DYNLT5: variants seen among roughly 807,000 people sequenced by gnomAD.
The protein encoded by DYNLT5 is dynein light chain Tctex-type family member 5, also known as dynein light chain Tctex-type 5.
In DYNLT5, 25 loss-of-function variants were observed where a neutral mutation model predicts 19.3. The ratio of observed to expected loss-of-function variants is 1.30; its 90% CI spans 0.95 to 1.81. The LOEUF (loss-of-function observed/expected upper bound fraction) is 1.81, where lower values mean the gene tolerates loss of function less well. Ranked by LOEUF, DYNLT5 falls within the 40% of genes most tolerant of loss-of-function variation. The pLI is 0.00. For synonymous variants in DYNLT5, 82 were observed against 68.9 expected, an observed-to-expected ratio of 1.19 and a Z score of -0.94; for missense variants, 232 against 217.9, an observed-to-expected ratio of 1.06 and a Z score of -0.41.
At chr1:66,755,095 A>G (rs1020188546) in intron 2 of DYNLT5, among the ~76,000 whole-genome samples, 4 of 152,186 alleles carry the variant, frequency 2.6e-5, no homozygotes, top group Non-Finnish European at 5.9e-5. Flanking sequence ...TTTATAACAT[A>G]GGTTTTGCAT....
rs1645254671 is a variant in DYNLT5, at chr1:66,779,025, TGAA to T, written c.*1575_*1577del. ...CTAATTTTGTATGAATAAATGAAAATGAAGAAACTTCTTTAACATATACAAAGT... is the reference window on the plus strand; with the variant it reads ...CTAATTTTGTATGAATAAATGAAAATGAAACTTCTTTAACATATACAAAGT... On this transcript the variant is annotated 3_prime_UTR_variant, in exon 5 of 5. Transcript: ENST00000282670. 6.6e-6 allele frequency among the ~76,000 whole-genome samples: 1 copy of T among 152,218 alleles called. No homozygotes were observed. The highest frequency in any genetic ancestry group is 1.5e-5 in the Non-Finnish European group (1 of 68,036).
At position 66,777,378 on chromosome 1, in the gene DYNLT5, A is replaced by G. The variant is rs1422447529; in HGVS notation, c.464A>G (p.Asp155Gly). The G allele has an allele frequency of 6.2e-7, 1 of 1,613,960 alleles. No individual in the cohort carries two copies. Residue 155 changes from aspartate (D) to glycine (G), a missense_variant, in exon 5 of 5, where the codon GAT becomes GGT. By Grantham distance (94) the Asp-to-Gly change is moderately conservative. Coordinates refer to ENST00000282670, the MANE Select transcript of DYNLT5 (RefSeq NM_152665.3). ...GSRCLWDPKS[D>G]TFSSYVFRNS... is the part of the protein sequence containing the mutation. Reference sequence around the variant, plus strand: ...AGATGCCTCTGGGATCCTAAAAGTGATACCTTTTCATCTTATGTTTTCAGA... The same window carrying G: ...AGATGCCTCTGGGATCCTAAAAGTGGTACCTTTTCATCTTATGTTTTCAGA...
At position 66,778,895 on chromosome 1, in the gene DYNLT5, A is replaced by C. The variant is rs1027201030; in HGVS notation, c.*1441A>C. On this transcript the variant is annotated 3_prime_UTR_variant, in exon 5 of 5. Transcript: ENST00000282670. ...TGTCAATCTCCATAGAACAGTTTTC[A>C]ATCTGGATTAGATTACACGTATAAC... is the stretch of plus-strand genomic sequence containing the variant. The C allele has an allele frequency of 2.0e-5, 3 of 152,208 alleles. No homozygotes were observed. The highest frequency in any genetic ancestry group is 4.4e-5 in the Non-Finnish European group (3 of 68,032). 9.4% of individuals were successfully genotyped at this position (152,208 alleles called of 1,614,324 possible). A position where few individuals can be genotyped will look rare whatever the true frequency, so the allele number is the denominator to read the frequency against.
chr1:66,765,124 T>C (rs2094652439), intron 2 of DYNLT5, among the ~76,000 whole-genome samples: 1 of 152,178 alleles, frequency 6.6e-6, no homozygotes, highest in African/African-American at 2.4e-5. Context: ...AAAGTACAAA[T>C]GTACAAATTT....
At chr1:66,762,149 T>A (rs543825703) in intron 2 of DYNLT5, among the ~76,000 whole-genome samples, 2 of 152,334 alleles carry the variant, frequency 1.3e-5, no homozygotes, top group East Asian at 3.9e-4. Flanking sequence ...CCATTTCTTT[T>A]TTAACCATTT....
At chr1:66,764,263 G>T (rs979837523) in intron 2 of DYNLT5, among the ~76,000 whole-genome samples, 1 of 152,150 alleles carries the variant, frequency 6.6e-6, no homozygotes, top group African/African-American at 2.4e-5. Context: ...GGCCCAAAAG[G>T]CCTAGCTTTC....
intron 2 of DYNLT5, among the ~76,000 whole-genome samples, chr1:66,760,190 T>C (rs2094643503): frequency 6.6e-6 from 1 of 152,234 alleles, no homozygotes; most frequent in Non-Finnish European, 1.5e-5. Context: ...TCACCTTTTA[T>C]CATAATATAT....
chr1:66,758,857 G>T (rs572137007), intron 2 of DYNLT5, among the ~76,000 whole-genome samples: 1 of 152,084 alleles, frequency 6.6e-6, no homozygotes, highest in South Asian at 2.1e-4. Context: ...AGCTGTTTAC[G>T]GGCAATTGAA....
At position 66,752,963 on chromosome 1, in the gene DYNLT5, GC is replaced by G. The variant is rs539331919; in HGVS notation, c.-4+381del. Among the ~76,000 whole-genome samples, 224 of 152,304 alleles carry G rather than the reference GC, an allele frequency of 1.5e-3. 4 individuals are homozygous for G. The highest frequency in any genetic ancestry group is 6.8e-4 in the Non-Finnish European group (46 of 68,014). ...CAGGGCAGCTTTGGAAACAGCTGAGGCCGAGATGGGTCTATGTGGCTTTGCA... is the reference window on the plus strand; with the variant it reads ...CAGGGCAGCTTTGGAAACAGCTGAGGCGAGATGGGTCTATGTGGCTTTGCA... On this transcript the variant is annotated intron_variant, in intron 1 of 4. Coordinates refer to ENST00000282670, the MANE Select transcript of DYNLT5 (RefSeq NM_152665.3).
At chr1:66,768,825 A>G (rs1415440741) in intron 2 of DYNLT5, 3 of 152,188 alleles carry the variant, frequency 2.0e-5, no homozygotes, top group African/African-American at 7.2e-5. Context: ...TGTTATAATC[A>G]TACTTGGGAC....
intron 2 of DYNLT5, among the ~76,000 whole-genome samples, chr1:66,761,410 G>A (rs887769639): frequency 1.3e-5 from 2 of 152,180 alleles, no homozygotes; most frequent in Non-Finnish European, 2.9e-5. Flanking sequence ...CTAGTGGAGG[G>A]CCTTGCCTCA....
intron 2 of DYNLT5, among the ~76,000 whole-genome samples, chr1:66,759,912 TTTC>T (rs1341878032): frequency 2.6e-5 from 4 of 152,148 alleles, no homozygotes; most frequent in Admixed American, 6.5e-5. Flanking sequence ...TTTCACTCCT[TTTC>T]TTCTTCCTCC....
chr1:66,770,271 T>TA (rs1217160670), intron 2 of DYNLT5, 116 bp from the exon 3 acceptor site: 11 of 698,710 alleles, frequency 1.6e-5, no homozygotes, highest in Non-Finnish European at 2.5e-5. Flanking sequence ...ACATAAGACT[T>TA]ACTTGAAATT....
At chr1:66,759,227 G>A (rs1557870474) in intron 2 of DYNLT5, among the ~76,000 whole-genome samples, 1 of 152,162 alleles carries the variant, frequency 6.6e-6, no homozygotes. Context: ...ATTATAGGGA[G>A]GAAAATGAAG....
At chr1:66,771,183 C>T (rs1645202562) in intron 3 of DYNLT5, among the ~76,000 whole-genome samples, 1 of 152,196 alleles carries the variant, frequency 6.6e-6, no homozygotes. Flanking sequence ...AAATTATAGA[C>T]CATCAGCCTG....
intron 2 of DYNLT5, among the ~76,000 whole-genome samples, chr1:66,757,342 A>G (rs1429408635): frequency 6.6e-6 from 1 of 152,254 alleles, no homozygotes; most frequent in Non-Finnish European, 1.5e-5. Flanking sequence ...GAATTACAAA[A>G]AGAAGATTAA....
intron 2 of DYNLT5, 139 bp downstream of exon 2, chr1:66,754,916 C>T (rs1267152926): frequency 2.6e-6 from 2 of 781,796 alleles, no homozygotes; most frequent in Non-Finnish European, 3.5e-6. Context: ...TCTTTAGGGG[C>T]CATATTTAAA....
intron 3 of DYNLT5, 170 bp from the exon 4 acceptor site, chr1:66,776,109 C>T (rs1261402732): frequency 8.1e-6 from 6 of 742,064 alleles, no homozygotes; most frequent in Non-Finnish European, 1.0e-5. Flanking sequence ...TTCTTGTTCT[C>T]TCTCAGAGCA....
At chr1:66,757,017 C>T (rs190102341) in intron 2 of DYNLT5, among the ~76,000 whole-genome samples, 21 of 152,362 alleles carry the variant, frequency 1.4e-4, no homozygotes, top group African/African-American at 4.1e-4. Flanking sequence ...ACCACCTTTA[C>T]CTCCAGACTG....
Sources: gnomAD v4.1 joint callset for allele counts (sites outside exome capture counted in the v4.1 genomes callset) on GRCh38, gnomAD v4.1.1 for gene constraint, MANE v1.5 for transcripts, NCBI Gene and HGNC (gene_info 2026-07-23, HGNC 2026-07-21) for gene names.